Variants in PRKCA observed in about 807,000 individuals in gnomAD.
The protein encoded by PRKCA is protein kinase C alpha type.
In PRKCA, 27 loss-of-function variants were observed where a neutral mutation model predicts 87.0. The ratio of observed to expected loss-of-function variants is 0.31; its 90% CI spans 0.23 to 0.43. The LOEUF (loss-of-function observed/expected upper bound fraction) is 0.43, where lower values mean the gene tolerates loss of function less well. Among genes scored for constraint, PRKCA ranks in the 20% least tolerant of loss-of-function variants. The probability of loss-of-function intolerance (pLI) is 1.00; values close to 1 mark genes in which losing one functional copy is unlikely to be tolerated. For synonymous variants in PRKCA, 329 were observed against 311.1 expected (o/e 1.06, Z -0.61); for missense variants, 518 against 852.3 (o/e 0.61, Z 4.88).
At chr17:66,386,133 CGTT>C (rs1458126609) in intron 2 of PRKCA, among the ~76,000 whole-genome samples, 18 of 152,194 alleles carry the variant, frequency 1.2e-4, no homozygotes, top group African/African-American at 4.1e-4. Flanking sequence ...TTTGAAGTCT[CGTT>C]GTGTCGTTTA....
chr17:66,665,341 C>T (rs542203514), intron 5 of PRKCA, among the ~76,000 whole-genome samples: 2 of 152,214 alleles, frequency 1.3e-5, no homozygotes, highest in Admixed American at 6.5e-5. Context: ...TATCTGTGTC[C>T]TGAGAGTTTC....
intron 3 of PRKCA, among the ~76,000 whole-genome samples, chr17:66,519,486 G>A (rs1363675730): frequency 6.6e-6 from 1 of 152,068 alleles, no homozygotes; most frequent in Non-Finnish European, 1.5e-5. Flanking sequence ...TTGCTGCCCT[G>A]GGACTATCTC....
chr17:66,673,791 G>T (rs373223529), intron 5 of PRKCA, among the ~76,000 whole-genome samples: 10 of 152,188 alleles, frequency 6.6e-5, no homozygotes, highest in African/African-American at 2.4e-4. Context: ...GAAGTTCCAC[G>T]TGATCACTAT....
chr17:66,427,034 A>T (rs9901201), intron 2 of PRKCA, among the ~76,000 whole-genome samples: 127,863 of 150,848 alleles, frequency 0.85, 54,929 homozygotes, highest in South Asian at 0.96. Context: ...TTAAAAAAAA[A>T]TTTTTTTTTT....
At chr17:66,327,366 C>CCAA (rs1491219353) in intron 2 of PRKCA, among the ~76,000 whole-genome samples, 1 of 80,022 alleles carries the variant, frequency 1.2e-5, no homozygotes, top group African/African-American at 5.8e-5. Flanking sequence ...AACTCTGTCT[C>CCAA]AAAAAAAAAA....
At chr17:66,565,568 A>G (rs1342040188) in intron 3 of PRKCA, among the ~76,000 whole-genome samples, 1 of 152,200 alleles carries the variant, frequency 6.6e-6, no homozygotes, top group Non-Finnish European at 1.5e-5. Context: ...CAGGGCTACA[A>G]ATCAGTAGCG....
chr17:66,449,022 T>C (rs921798076), intron 2 of PRKCA, among the ~76,000 whole-genome samples: 1 of 149,154 alleles, frequency 6.7e-6, no homozygotes, highest in African/African-American at 2.5e-5. Flanking sequence ...AGGTGGCTCA[T>C]GCCTGTAATC....
intron 8 of PRKCA, among the ~76,000 whole-genome samples, chr17:66,713,539 T>C (rs1208149896): frequency 1.3e-5 from 2 of 152,190 alleles, no homozygotes; most frequent in East Asian, 1.9e-4. Context: ...CAAAGTCTCT[T>C]TTCTGACATG....
At chr17:66,743,489 T>G (rs914104556) in intron 13 of PRKCA, among the ~76,000 whole-genome samples, 1 of 152,174 alleles carries the variant, frequency 6.6e-6, no homozygotes, top group African/African-American at 2.4e-5. Context: ...GTCAGTGTGG[T>G]TCTAAGCAAA....
chr17:66,644,992 GAAAA>G (rs3217111), intron 4 of PRKCA, among the ~76,000 whole-genome samples: 1 of 126,276 alleles, frequency 7.9e-6, no homozygotes, highest in African/African-American at 2.9e-5. Context: ...CCTGTCTGAA[GAAAA>G]AAAAAAAAAT....
At chr17:66,537,900 G>C (rs553921957) in intron 3 of PRKCA, among the ~76,000 whole-genome samples, 1 of 152,184 alleles carries the variant, frequency 6.6e-6, no homozygotes, top group East Asian at 1.9e-4. Context: ...CCACCTCCTG[G>C]GTTTAAGGGG....
At chr17:66,413,269 A>T (rs568595534) in intron 2 of PRKCA, among the ~76,000 whole-genome samples, 4 of 152,322 alleles carry the variant, frequency 2.6e-5, no homozygotes, top group African/African-American at 9.6e-5. Flanking sequence ...CTGATTTATT[A>T]TAAAGGATAT....
intron 3 of PRKCA, among the ~76,000 whole-genome samples, chr17:66,563,830 G>A (rs973700714): frequency 2.0e-5 from 3 of 152,184 alleles, no homozygotes; most frequent in African/African-American, 7.2e-5. Flanking sequence ...TTGGATTTCA[G>A]ACTTAGTATA....
chr17:66,503,326 G>A (rs935776510), intron 3 of PRKCA, among the ~76,000 whole-genome samples: 5 of 152,090 alleles, frequency 3.3e-5, no homozygotes, highest in African/African-American at 4.8e-5. Flanking sequence ...AGGTGACTTC[G>A]CAGGTTATTG....
intron 3 of PRKCA, among the ~76,000 whole-genome samples, chr17:66,633,890 C>G (rs1971085955): frequency 6.6e-6 from 1 of 152,228 alleles, no homozygotes; most frequent in South Asian, 2.1e-4. Context: ...AGATTAGTCT[C>G]CAGCCTCAAC....
intron 3 of PRKCA, among the ~76,000 whole-genome samples, chr17:66,534,318 G>A (rs918543913): frequency 1.3e-5 from 2 of 152,074 alleles, no homozygotes; most frequent in African/African-American, 4.8e-5. Flanking sequence ...GATGAAGGTC[G>A]ATTCTTATCC....
At chr17:66,528,903 G>C (rs1472401015) in intron 3 of PRKCA, among the ~76,000 whole-genome samples, 3 of 152,174 alleles carry the variant, frequency 2.0e-5, no homozygotes, top group Non-Finnish European at 4.4e-5. Context: ...TTAAATGTTA[G>C]AGGAGGGAAA....
intron 3 of PRKCA, among the ~76,000 whole-genome samples, chr17:66,499,292 A>G (rs1225512663): frequency 6.6e-6 from 1 of 152,116 alleles, no homozygotes; most frequent in Non-Finnish European, 1.5e-5. Flanking sequence ...AGGGAAACCA[A>G]GAAGGGGCAG....
intron 3 of PRKCA, among the ~76,000 whole-genome samples, chr17:66,522,875 A>G (rs373058270): frequency 1.3e-4 from 20 of 151,540 alleles, no homozygotes; most frequent in African/African-American, 4.1e-4. Context: ...GAAACCTACT[A>G]TGAATCCAGT....
Sources: allele counts gnomAD v4.1 joint callset (sites outside exome capture counted in the v4.1 genomes callset), GRCh38; gene constraint gnomAD v4.1.1; transcripts MANE v1.5; gene names NCBI Gene and HGNC (gene_info 2026-07-23, HGNC 2026-07-21).